The following RASA3 variants were observed in gnomAD, a reference collection of about 807,000 sequenced individuals.
The protein encoded by RASA3 is RAS p21 protein activator 3.
Under a neutral mutation model 110.0 loss-of-function variants are expected in RASA3, and 73 were observed. That is an observed-to-expected ratio of 0.66 (90% confidence interval 0.55 to 0.81). The LOEUF is 0.81. RASA3 is among the 30% of genes least tolerant of loss of function. The pLI is 0.00. For missense variants in RASA3, 976 were observed against 1,113.2 expected (o/e 0.88, Z 1.75); for synonymous variants, 500 against 451.4 (o/e 1.11, Z -1.37).
intron 21 of RASA3, among the ~76,000 whole-genome samples, chr13:113,993,723 G>A (rs1015483809): frequency 2.1e-5 from 3 of 145,112 alleles, no homozygotes; most frequent in East Asian, 2.1e-4. Flanking sequence ...CAGGAGAATC[G>A]CTTGAACCTG....
intron 1 of RASA3, among the ~76,000 whole-genome samples, chr13:114,102,170 G>A (rs1026326743): frequency 6.6e-6 from 1 of 152,168 alleles, no homozygotes; most frequent in African/African-American, 2.4e-5. Context: ...TCCAGTGCCA[G>A]AAAACAGAGA....
intron 4 of RASA3, among the ~76,000 whole-genome samples, chr13:114,031,657 GCCTA>G (rs1408799764): frequency 4.6e-4 from 70 of 152,336 alleles, no homozygotes; most frequent in Admixed American, 1.2e-3. Flanking sequence ...GGCTATGTGT[GCCTA>G]CCTGTGTGTG....
intron 21 of RASA3, 100 bp from the exon 22 acceptor site, chr13:113,992,688 G>C: frequency 2.2e-6 from 2 of 922,826 alleles, no homozygotes; most frequent in Non-Finnish European, 3.4e-6. Context: ...GAAAGACAAC[G>C]ATTGTGTTGG....
At chr13:114,003,557 A>G (rs1318688590) in intron 18 of RASA3, among the ~76,000 whole-genome samples, 1 of 152,256 alleles carries the variant, frequency 6.6e-6, no homozygotes, top group Non-Finnish European at 1.5e-5. Flanking sequence ...TTTCTTTTAA[A>G]GACTAACTTC....
At chr13:114,061,438 A>G (rs1212949252) in intron 2 of RASA3, among the ~76,000 whole-genome samples, 2 of 152,040 alleles carry the variant, frequency 1.3e-5, no homozygotes, top group African/African-American at 2.4e-5. Context: ...TGGGAGGCCA[A>G]GGTGGGTGGA....
intron 3 of RASA3, among the ~76,000 whole-genome samples, chr13:114,050,729 A>G (rs886914419): frequency 2.0e-5 from 3 of 152,222 alleles, no homozygotes; most frequent in African/African-American, 7.2e-5. Context: ...CGCGTTACCT[A>G]CTAGCCCGTT....
At chr13:114,028,581 C>G (rs2054080782) in intron 5 of RASA3, among the ~76,000 whole-genome samples, 1 of 149,460 alleles carries the variant, frequency 6.7e-6, no homozygotes, top group Non-Finnish European at 1.5e-5. Flanking sequence ...ACTTCTAAAA[C>G]AGCATCATCC....
intron 7 of RASA3, 133 bp from the exon 8 acceptor site, chr13:114,024,488 GC>G (rs1286975583): frequency 2.5e-6 from 2 of 791,712 alleles, no homozygotes; most frequent in East Asian, 5.2e-5. Context: ...CCAGGAAGGC[GC>G]CAGGCGGGAT....
chr13:114,030,245 G>A (rs1045012517), intron 4 of RASA3, among the ~76,000 whole-genome samples: 37 of 152,224 alleles, frequency 2.4e-4, no homozygotes, highest in Non-Finnish European at 5.4e-4. Context: ...GTGTCCGTCG[G>A]GACAAACCAG....
intron 2 of RASA3, among the ~76,000 whole-genome samples, chr13:114,061,514 CA>C (rs11297076): frequency 0.24 from 33,117 of 137,154 alleles, 6,416 homozygotes; most frequent in African/African-American, 0.54. Context: ...ACTAAAAATA[CA>C]AAAAAAAAAA....
chr13:114,110,880 C>G (rs9314896), intron 1 of RASA3, among the ~76,000 whole-genome samples: 115,616 of 152,124 alleles, frequency 0.76, 44,139 homozygotes, highest in East Asian at 0.82. Flanking sequence ...TGTCCCAGGT[C>G]GGGGGCAGCA....
At chr13:114,010,100 G>A (rs1367550977) in intron 16 of RASA3, among the ~76,000 whole-genome samples, 7 of 152,350 alleles carry the variant, frequency 4.6e-5, no homozygotes, top group Admixed American at 3.3e-4. Context: ...CACAGCGCAG[G>A]GCCTGGCTGG....
At chr13:114,118,808 C>T (rs572929969) in intron 1 of RASA3, among the ~76,000 whole-genome samples, 48 of 152,330 alleles carry the variant, frequency 3.2e-4, no homozygotes, top group Middle Eastern at 3.4e-3. Flanking sequence ...CAGCTGTATC[C>T]TGCCTGAAAA....
At chr13:114,102,959 GGGGTCCCT>G (rs1409022686) in intron 1 of RASA3, among the ~76,000 whole-genome samples, 1 of 151,678 alleles carries the variant, frequency 6.6e-6, no homozygotes, top group Non-Finnish European at 1.5e-5. Context: ...TCCCAGAGTT[GGGGTCCCT>G]GAACCAAACC....
chr13:114,052,810 G>C (rs1400616461), intron 2 of RASA3, among the ~76,000 whole-genome samples: 1 of 123,578 alleles, frequency 8.1e-6, no homozygotes, highest in Non-Finnish European at 1.7e-5. Context: ...TAGAGTCCTC[G>C]CTCCTGGGGG....
At chr13:113,998,384 T>C (rs2053305216) in intron 20 of RASA3, among the ~76,000 whole-genome samples, 1 of 152,210 alleles carries the variant, frequency 6.6e-6, no homozygotes, top group Admixed American at 6.5e-5. Context: ...TGCCTGTGAA[T>C]AACATGCTAG....
In RASA3 at chr13:114,016,220, C is replaced by T. The variant is rs746557649; in HGVS notation, c.1258G>A (p.Gly420Arg). The change falls in exon 13 of 24, where the codon GGA becomes AGA. Residue 420 changes from glycine (G) to arginine (R), a missense_variant. This residue lies in a region of RASA3 where 732 missense variants were observed against 779.7 expected (regional missense o/e 0.94). Coordinates refer to ENST00000334062, the MANE Select transcript of RASA3 (RefSeq NM_007368.4). ...ACCATGTTGTTTTCAAGGTTTTCTC[C>T]GTCTTTCAACTTCACAGGGTCGATT... is the stretch of plus-strand genomic sequence containing the variant. ...CEIDPVKLKD[G>R]ENLENNMENL... 9 of 1,599,626 alleles carry T rather than the reference C, an allele frequency of 5.6e-6. No individual in the cohort carries two copies. Among genetic ancestry groups the T allele is most frequent in the African/African-American group, 2.7e-5 (2 of 74,524 alleles).
intron 1 of RASA3, among the ~76,000 whole-genome samples, chr13:114,098,043 C>T (rs576092982): frequency 4.1e-4 from 63 of 152,256 alleles, no homozygotes; most frequent in African/African-American, 1.3e-3. Flanking sequence ...CTGAGCACGC[C>T]GAGGGGCTAC....
rs1000272199 is a variant in RASA3 at position 114,096,395 on chromosome 13, C to A, written c.56-22558G>T. Among the ~76,000 whole-genome samples the A allele has an allele frequency of 6.6e-6, 1 of 152,170 alleles. No homozygotes were observed. Among genetic ancestry groups the A allele is most frequent in the South Asian group, 2.1e-4 (1 of 4,828 alleles). On this transcript the variant is annotated intron_variant, in intron 1 of 23. Transcript: ENST00000334062. The surrounding 1 kb of genome is among the most constrained non-coding windows in gnomAD (Gnocchi z 5.1). Reference sequence around the variant, plus strand: ...CCGACACTGGGTGATTCTGCACGCCCGGCTCGGAACCCTGTGCATTGCCCA... The same window carrying A: ...CCGACACTGGGTGATTCTGCACGCCAGGCTCGGAACCCTGTGCATTGCCCA...
Sources: gnomAD v4.1 joint callset for allele counts (sites outside exome capture counted in the v4.1 genomes callset) on GRCh38, gnomAD v4.1.1 for gene constraint, gnomAD v4.1.1 regional missense constraint, Gnocchi (gnomAD v3.1) non-coding constraint, MANE v1.5 for transcripts, NCBI Gene and HGNC (gene_info 2026-07-23, HGNC 2026-07-21) for gene names.